The following STIL variants were observed in gnomAD, a reference collection of about 807,000 sequenced individuals.
STIL encodes STIL centriolar assembly protein, also known as SCL-interrupting locus protein.
A neutral mutation model predicts 110.1 loss-of-function variants in STIL; 55 were observed. That is an observed-to-expected ratio of 0.50 (90% CI 0.40 to 0.63). The LOEUF is 0.63. Among genes scored for constraint, STIL ranks in the 20% least tolerant of loss-of-function variants. The pLI, the probability that STIL is intolerant of heterozygous loss-of-function variation, is 0.00. For missense variants in STIL, 1,358 were observed against 1,530.0 expected (o/e 0.89, Z 1.87); for synonymous variants, 481 against 530.0 (o/e 0.91, Z 1.27).
At chr1:47,270,241 A>AAAT (rs1553172352) in intron 13 of STIL, among the ~76,000 whole-genome samples, 54 of 118,638 alleles carry the variant, frequency 4.6e-4, no homozygotes, top group African/African-American at 1.9e-3. Flanking sequence ...AAAAAAAAAA[A>AAAT]ATATATATAT....
At position 47,302,268 on chromosome 1, in the gene STIL, T is replaced by A; in HGVS notation, c.231A>T (p.Ser77=). 2 of 1,614,064 alleles carry A rather than the reference T, an allele frequency of 1.2e-6. No homozygotes were observed. The highest frequency in any genetic ancestry group is 1.1e-5 in the South Asian group (1 of 91,080). The change falls in exon 4 of 17, where the codon TCA becomes TCT. Residue 77 remains serine, a synonymous_variant. Coordinates refer to ENST00000371877, the MANE Select transcript of STIL (RefSeq NM_001048166.1). Reference sequence around the variant, plus strand: ...CTGTCAGAGAACCAAGTAAAAAGCATGACGAATTTTTTTTATTCTGCTTAG... The same window carrying A: ...CTGTCAGAGAACCAAGTAAAAAGCAAGACGAATTTTTTTTATTCTGCTTAG... ...RHAKQNKKNS[S]CFLLGSLTAD...
chr1:47,306,573 C>A (rs749036495), intron 2 of STIL, among the ~76,000 whole-genome samples: 1 of 152,144 alleles, frequency 6.6e-6, no homozygotes, highest in Admixed American at 6.5e-5. Context: ...TCTTTCTGAA[C>A]TGATTTCCAG....
intron 2 of STIL, among the ~76,000 whole-genome samples, chr1:47,309,119 T>C (rs976051029): frequency 2.0e-5 from 3 of 151,876 alleles, no homozygotes; most frequent in Admixed American, 2.0e-4. Flanking sequence ...AAAAGATAAA[T>C]GCTTAAGGGG....
chr1:47,260,318 C>T lies in STIL; in HGVS notation c.3051G>A (p.Lys1017=). 6.2e-7 allele frequency: 1 copy of T among 1,614,052 alleles called. No homozygotes were observed. Among genetic ancestry groups the T allele is most frequent in the South Asian group, 1.1e-5 (1 of 91,022 alleles). ...GVKIDSPTKV[K]KNAHNVDHAS... is the part of the protein sequence containing the mutation. The stretch of plus-strand genomic sequence containing the variant: ...CGTGATCCACGTTATGTGCATTTTT[C>T]TTCACTTTAGTGGGAGAATCAATTT... Residue 1017 remains lysine (K), a synonymous_variant, in exon 16 of 17, where the codon AAG becomes AAA. Coordinates refer to ENST00000371877, the MANE Select transcript of STIL (RefSeq NM_001048166.1).
intron 14 of STIL, among the ~76,000 whole-genome samples, chr1:47,268,842 C>A (rs1644735304): frequency 6.6e-6 from 1 of 151,656 alleles, no homozygotes; most frequent in Non-Finnish European, 1.5e-5. Flanking sequence ...GCCTGTAATC[C>A]CAGCACTTTG....
chr1:47,275,469 T>C (rs1287220529), intron 12 of STIL, among the ~76,000 whole-genome samples: 1 of 151,648 alleles, frequency 6.6e-6, no homozygotes, highest in Non-Finnish European at 1.5e-5. Flanking sequence ...TTAGCCCGGC[T>C]TGGTGGCCAA....
At chr1:47,298,630 A>T (rs1207848687) in intron 6 of STIL, among the ~76,000 whole-genome samples, 1 of 152,160 alleles carries the variant, frequency 6.6e-6, no homozygotes, top group Non-Finnish European at 1.5e-5. Flanking sequence ...AGTTAAGAAA[A>T]AAAAAAGGCC....
At chr1:47,278,454 A>G (rs1645052931) in intron 12 of STIL, among the ~76,000 whole-genome samples, 1 of 152,138 alleles carries the variant, frequency 6.6e-6, no homozygotes, top group African/African-American at 2.4e-5. Context: ...AATGATTCAG[A>G]TAGTCTAGAC....
chr1:47,264,806 A>C (rs1644588032), intron 14 of STIL, among the ~76,000 whole-genome samples: 1 of 152,144 alleles, frequency 6.6e-6, no homozygotes, highest in African/African-American at 2.4e-5. Flanking sequence ...CAACAACCCA[A>C]ATCAATGCTG....
In STIL at chr1:47,281,333, T is replaced by C. The variant is rs950374141; in HGVS notation, c.1249-124A>G. Reference sequence around the variant, plus strand: ...CATATTAACAAGTGTTCATTCTTTATTTAGACCATCAGTTAATTTTTTCTG... The same window carrying C: ...CATATTAACAAGTGTTCATTCTTTACTTAGACCATCAGTTAATTTTTTCTG... On this transcript the variant is annotated intron_variant, in intron 11 of 16. Transcript: ENST00000371877. The C allele has an allele frequency of 4.8e-5, 50 of 1,035,646 alleles. No homozygotes were observed. The African/African-American group carries it at 7.8e-4, about 16-fold the overall frequency. The allele number at this position is 1,035,646 out of a possible 1,614,324, so 64.2% of individuals were successfully genotyped here. A position where few individuals can be genotyped will look rare whatever the true frequency, so the allele number is the denominator to read the frequency against.
chr1:47,276,027 G>T (rs11211502), intron 12 of STIL, among the ~76,000 whole-genome samples: 1 of 149,978 alleles, frequency 6.7e-6, no homozygotes, highest in Admixed American at 6.6e-5. Flanking sequence ...TTTTGAGACA[G>T]AGTCTAGCTC....
chr1:47,250,965 C>T lies in STIL; in HGVS notation c.*171G>A, dbSNP rs890058302. 1.6e-6 allele frequency: 1 copy of T among 622,640 alleles called. No individual in the cohort carries two copies. Among genetic ancestry groups the T allele is most frequent in the South Asian group, 2.1e-5 (1 of 48,754 alleles). The allele number at this position is 622,640 out of a possible 1,614,324, so 38.6% of individuals were successfully genotyped here. Reference sequence around the variant, plus strand: ...AACAGCTCTATTTGAACAATGAGAACTTAGTCCTATCACCAGCCAGCCATC... The same window carrying T: ...AACAGCTCTATTTGAACAATGAGAATTTAGTCCTATCACCAGCCAGCCATC... On this transcript the variant is annotated 3_prime_UTR_variant, in exon 17 of 17. Transcript: ENST00000371877.
intron 14 of STIL, among the ~76,000 whole-genome samples, chr1:47,264,712 G>A (rs888993246): frequency 7.9e-5 from 12 of 152,104 alleles, no homozygotes; most frequent in African/African-American, 2.9e-4. Context: ...ACCAGAGCAC[G>A]AATCAGACCA....
chr1:47,268,183 A>G (rs1644709410), intron 14 of STIL, among the ~76,000 whole-genome samples: 1 of 152,238 alleles, frequency 6.6e-6, no homozygotes, highest in South Asian at 2.1e-4. Flanking sequence ...ACAGTGGCTC[A>G]TGCCTATAAT....
rs771456797 is a variant in STIL, at chr1:47,251,595, A to C, written c.3408T>G (p.Ser1136Arg). 1 of 1,613,784 alleles carries C rather than the reference A, an allele frequency of 6.2e-7. No homozygotes were observed. The highest frequency in any genetic ancestry group is 1.1e-5 in the South Asian group (1 of 91,024). ...TGTCGGGAGGTTCCTCTTCATCTTC[A>C]CTATTGTCACTGCTTTGTAGGAGTC... ...RYGLLQSSDN[S>R]EDEEEPPDNA... The change falls in exon 17 of 17, where the codon AGT (serine) becomes AGG (arginine). Residue 1136 changes from serine to arginine, a missense_variant. By Grantham distance (110) the Ser-to-Arg change is moderately radical. Transcript: ENST00000371877.
intron 14 of STIL, 57 bp from the exon 15 acceptor site, chr1:47,263,173 T>C (rs538621997): frequency 6.7e-7 from 1 of 1,500,042 alleles, no homozygotes; most frequent in South Asian, 1.2e-5. Flanking sequence ...ATAATTGAAA[T>C]GTAGTAACTT....
intron 14 of STIL, 75 bp downstream of exon 14, chr1:47,269,560 A>G: frequency 9.5e-7 from 1 of 1,057,608 alleles, no homozygotes; most frequent in South Asian, 1.4e-5. Context: ...CCACAAATAT[A>G]TACAATTATT....
At position 47,266,351 on chromosome 1, in the gene STIL, AC is replaced by A. The variant is rs1486030916; in HGVS notation, c.2616-3236del. The stretch of plus-strand genomic sequence containing the variant: ...TCCACTGCCTGCCCCATGTCACCTT[AC>A]CAGTTCACCTTTTTTTATTTTTAGA... On this transcript the variant is annotated intron_variant, in intron 14 of 16. Coordinates refer to ENST00000371877, the MANE Select transcript of STIL (RefSeq NM_001048166.1). Among the ~76,000 whole-genome samples, 19 of 152,314 alleles carry A rather than the reference AC, an allele frequency of 1.2e-4. No homozygotes were observed. In the East Asian group the frequency reaches 3.7e-3, roughly 29 times the overall value.
Position 47,301,526 on chromosome 1 carries a change from G to A in STIL, c.453+35C>T, listed in dbSNP as rs1645804091. On this transcript the variant is annotated intron_variant, in intron 5 of 16. Coordinates refer to ENST00000371877, the MANE Select transcript of STIL (RefSeq NM_001048166.1). ...ATACTAAACATAGTTTGATTCTTGT[G>A]TTGAATTAACTATCAAGTTGTCAAT... 3.2e-6 allele frequency: 5 copies of A among 1,567,704 alleles called. No individual in the cohort carries two copies. The Admixed American group carries it at 5.0e-5, about 16-fold the overall frequency.
Sources: allele counts gnomAD v4.1 joint callset (sites outside exome capture counted in the v4.1 genomes callset), GRCh38; gene constraint gnomAD v4.1.1; transcripts MANE v1.5; gene names NCBI Gene and HGNC (gene_info 2026-07-23, HGNC 2026-07-21).